The following EEA1 variants were observed in gnomAD, a reference collection of about 807,000 sequenced individuals.
EEA1 encodes early endosome antigen 1, 162kD.
EEA1 carries 111 observed loss-of-function variants against 209.2 expected under a neutral mutation model. The ratio of observed to expected loss-of-function variants is 0.53; its 90% CI spans 0.45 to 0.62. EEA1 has a LOEUF of 0.62. Ranked by LOEUF, EEA1 falls within the 20% of genes least tolerant of loss-of-function variation. EEA1 has a pLI of 0.00. For synonymous variants in EEA1, 536 were observed against 540.6 expected, an observed-to-expected ratio of 0.99 and a Z score of 0.12; for missense variants, 1,343 against 1,530.8, an observed-to-expected ratio of 0.88 and a Z score of 2.05.
At position 92,842,568 on chromosome 12, in the gene EEA1, T is replaced by C; in HGVS notation, c.812A>G (p.Gln271Arg). The C allele has an allele frequency of 6.3e-7, 1 of 1,587,900 alleles. No homozygotes were observed. The highest frequency in any genetic ancestry group is 8.6e-7 in the Non-Finnish European group (1 of 1,164,046). ...GCCTTTGGCAAGTTCACTCCTTAGCTGGCTTATTGTGGCCTAACAAAACAA... is the reference window on the plus strand; with the variant it reads ...GCCTTTGGCAAGTTCACTCCTTAGCCGGCTTATTGTGGCCTAACAAAACAA... ...QYASSEATISQLRSELAKGPQ... is the reference protein window; with the variant it reads ...QYASSEATISRLRSELAKGPQ... The change falls in exon 10 of 29, where the codon CAG becomes CGG. Residue 271 changes from glutamine to arginine, a missense_variant. By Grantham distance (43) the Gln-to-Arg change is conservative. This residue lies in a region of EEA1 where 1,307 missense variants were observed against 1,465.5 expected (regional missense o/e 0.89). Transcript: ENST00000322349.
intron 15 of EEA1, among the ~76,000 whole-genome samples, chr12:92,814,177 T>C (rs986516420): frequency 2.0e-5 from 3 of 152,184 alleles, no homozygotes; most frequent in African/African-American, 7.2e-5. Context: ...TTACATTGTA[T>C]GGATAATTAC....
chr12:92,879,004 T>C (rs1879027053), intron 2 of EEA1, among the ~76,000 whole-genome samples: 1 of 152,158 alleles, frequency 6.6e-6, no homozygotes, highest in Non-Finnish European at 1.5e-5. Flanking sequence ...ATTCAAGGTA[T>C]ACCTCCCTAA....
chr12:92,842,379 G>A, intron 10 of EEA1, 86 bp downstream of exon 10: 2 of 704,632 alleles, frequency 2.8e-6, no homozygotes, highest in South Asian at 1.9e-5. Flanking sequence ...ATTGTACTAT[G>A]CCAATATATT....
At chr12:92,807,556 CAACTAA>C (rs1348862697) in intron 18 of EEA1, among the ~76,000 whole-genome samples, 10 of 151,908 alleles carry the variant, frequency 6.6e-5, no homozygotes, top group African/African-American at 2.4e-4. Flanking sequence ...CTACAAACAA[CAACTAA>C]AACTAAAAAG....
chr12:92,802,712 G>A lies in EEA1; in HGVS notation c.2362C>T (p.Leu788=), dbSNP rs532182429. ...KEIVSSTRLD[L]QKKSEALESI... ...TCAAGGGCTTCAGATTTTTTCTGTA[G>A]ATCCAATCTTGTACTGGATACTCTA... The change falls in exon 19 of 29, where the codon CTA becomes TTA. Residue 788 remains leucine, a synonymous_variant. Coordinates refer to ENST00000322349, the MANE Select transcript of EEA1 (RefSeq NM_003566.4). 1.2e-5 allele frequency: 19 copies of A among 1,595,222 alleles called. No homozygotes were observed. In the East Asian group the frequency reaches 3.4e-4, roughly 28 times the overall value.
chr12:92,906,478 C>A (rs1489053703), intron 1 of EEA1, among the ~76,000 whole-genome samples: 6 of 152,184 alleles, frequency 3.9e-5, no homozygotes, highest in African/African-American at 1.4e-4. Context: ...AACTCAAAAC[C>A]TTGGGGATTT....
chr12:92,786,923 G>A (rs565544027), intron 22 of EEA1, among the ~76,000 whole-genome samples: 1 of 152,250 alleles, frequency 6.6e-6, no homozygotes, highest in Admixed American at 6.5e-5. Context: ...AGGCAATTAT[G>A]TTAACTGTCT....
intron 1 of EEA1, among the ~76,000 whole-genome samples, chr12:92,899,941 G>A (rs1880079151): frequency 6.6e-6 from 1 of 152,140 alleles, no homozygotes; most frequent in Admixed American, 6.5e-5. Flanking sequence ...TCTTCAGAGG[G>A]TGAACTTCCA....
At chr12:92,832,063 C>T (rs1038169342) in intron 11 of EEA1, among the ~76,000 whole-genome samples, 3 of 146,710 alleles carry the variant, frequency 2.0e-5, no homozygotes, top group Admixed American at 6.9e-5. Context: ...GTCCGCAGTC[C>T]GGCCTGGGCG....
intron 1 of EEA1, among the ~76,000 whole-genome samples, chr12:92,895,988 T>C (rs1232808667): frequency 2.6e-5 from 4 of 152,162 alleles, no homozygotes; most frequent in African/African-American, 9.6e-5. Flanking sequence ...TTTTTTTTTT[T>C]TCTTGAGACG....
chr12:92,875,952 C>G (rs549334201), intron 2 of EEA1, among the ~76,000 whole-genome samples: 1 of 152,074 alleles, frequency 6.6e-6, no homozygotes, highest in Non-Finnish European at 1.5e-5. Flanking sequence ...TTGTGTTATC[C>G]CCTCCTCAGA....
chr12:92,801,623 T>G lies in EEA1; in HGVS notation c.2749A>C (p.Lys917Gln). 6.3e-7 allele frequency: 1 copy of G among 1,592,862 alleles called. No individual in the cohort carries two copies. The highest frequency in any genetic ancestry group is 1.2e-5 in the South Asian group (1 of 85,362). ...ACCTCCTTCTCTTTTTCAAGTGACT[T>G]TTTCAGTTCCTTCTGTTCCTTAAGT... ...NTLKEQKELK[K>Q]SLEKEKEASH... The change falls in exon 20 of 29, where the codon AAG (lysine) becomes CAG (glutamine). Residue 917 changes from lysine (K) to glutamine (Q), a missense_variant. Transcript: ENST00000322349.
chr12:92,777,444 A>G (rs1873704181), intron 27 of EEA1, 99 bp downstream of exon 27: 1 of 1,309,950 alleles, frequency 7.6e-7, no homozygotes, highest in Non-Finnish European at 1.0e-6. Context: ...ATTTGAAAGT[A>G]TTTATAAAAC....
At chr12:92,899,578 T>G (rs1194098165) in intron 1 of EEA1, among the ~76,000 whole-genome samples, 5 of 152,234 alleles carry the variant, frequency 3.3e-5, no homozygotes, top group Non-Finnish European at 7.3e-5. Flanking sequence ...TCCTGATGCA[T>G]TACACAGGCA....
intron 21 of EEA1, among the ~76,000 whole-genome samples, chr12:92,795,831 CTTCTT>C (rs1370413431): frequency 6.6e-6 from 1 of 152,132 alleles, no homozygotes; most frequent in African/African-American, 2.4e-5. Flanking sequence ...TAAAATACTG[CTTCTT>C]TTCTTTAACA....
intron 2 of EEA1, among the ~76,000 whole-genome samples, chr12:92,885,722 G>A (rs1879352481): frequency 6.6e-6 from 1 of 152,156 alleles, no homozygotes; most frequent in Non-Finnish European, 1.5e-5. Flanking sequence ...TGTTGTCTCT[G>A]AGTAGGCTGA....
In EEA1 at chr12:92,880,036, G is replaced by A. The variant is rs144371894; in HGVS notation, c.117+11593C>T. 2.2e-4 allele frequency among the ~76,000 whole-genome samples: 33 copies of A among 152,300 alleles called. No individual in the cohort carries two copies. The South Asian group carries it at 6.8e-3, about 32-fold the overall frequency. ...ACCAAGCCTGCCTCCTACAGCCCCT[G>A]GTTGTTCATTTTGTTCCCAAATGTA... On this transcript the variant is annotated intron_variant, in intron 2 of 28. Coordinates refer to ENST00000322349, the MANE Select transcript of EEA1 (RefSeq NM_003566.4).
At chr12:92,874,007 C>A (rs954217139) in intron 2 of EEA1, among the ~76,000 whole-genome samples, 1 of 152,012 alleles carries the variant, frequency 6.6e-6, no homozygotes, top group African/African-American at 2.4e-5. Context: ...AACTACAGAA[C>A]AATTCTTCTT....
Position 92,908,474 on chromosome 12 carries a change from TA to T in EEA1, c.25-16754del, listed in dbSNP as rs1206126598. On this transcript the variant is annotated intron_variant, in intron 1 of 28. Coordinates refer to ENST00000322349, the MANE Select transcript of EEA1 (RefSeq NM_003566.4). The stretch of plus-strand genomic sequence containing the variant: ...AAATTACGTATATTTTGTCATAATT[TA>T]AAAAAAATTTTTTTAAAACCTAAAT... Among the ~76,000 whole-genome samples, 10 of 152,246 alleles carry T rather than the reference TA, an allele frequency of 6.6e-5. No individual in the cohort carries two copies. The East Asian group carries it at 1.5e-3, about 23-fold the overall frequency.
Sources: allele counts gnomAD v4.1 joint callset (sites outside exome capture counted in the v4.1 genomes callset), GRCh38; gene constraint gnomAD v4.1.1; regional missense constraint gnomAD v4.1.1; transcripts MANE v1.5; gene names NCBI Gene and HGNC (gene_info 2026-07-23, HGNC 2026-07-21).